SGCD: variants seen among roughly 807,000 people sequenced by gnomAD.
SGCD encodes the protein delta-sarcoglycan.
SGCD carries 18 observed loss-of-function variants against 36.6 expected under a neutral mutation model. The observed-to-expected ratio is 0.49, with a 90% CI of 0.34 to 0.73. The LOEUF is 0.73. SGCD is among the 30% of genes least tolerant of loss of function. The probability of loss-of-function intolerance (pLI) is 0.01; values close to 1 mark genes in which losing one functional copy is unlikely to be tolerated. For missense variants in SGCD, 387 were observed against 346.7 expected (o/e 1.12, Z -0.92); for synonymous variants, 133 against 130.6 (o/e 1.02, Z -0.12).
At chr5:156,513,744 T>G (rs1298364280) in intron 4 of SGCD, among the ~76,000 whole-genome samples, 1 of 152,380 alleles carries the variant, frequency 6.6e-6, no homozygotes, top group East Asian at 1.9e-4. Context: ...TTGATTAGTG[T>G]GATAACAATC....
rs562891167 is a variant in SGCD, at chr5:156,271,383, T to C, written c.-43-58151T>C. Reference sequence around the variant, plus strand: ...GTCTACAGGTTCGTCTGGTCTTATCTGATGCTAGTCAAAATCATAATATCT... The same window carrying C: ...GTCTACAGGTTCGTCTGGTCTTATCCGATGCTAGTCAAAATCATAATATCT... On this transcript the variant is annotated intron_variant, in intron 3 of 9. Transcript: ENST00000517913. 5.9e-5 allele frequency among the ~76,000 whole-genome samples: 9 copies of C among 152,304 alleles called. No individual in the cohort carries two copies. The East Asian group carries it at 1.7e-3, about 29-fold the overall frequency.
In SGCD at chr5:156,688,648, G is replaced by A. The variant is rs563976382; in HGVS notation, c.575+41112G>A. 2.6e-5 allele frequency among the ~76,000 whole-genome samples: 4 copies of A among 152,186 alleles called. No individual in the cohort carries two copies. In the East Asian group the frequency reaches 7.7e-4, roughly 29 times the overall value. Reference sequence around the variant, plus strand: ...AGTCTGATCACAGTGAAGAAACTCTGGTTTCTGCCTCTTTGTCATGGTAGA... The same window carrying A: ...AGTCTGATCACAGTGAAGAAACTCTAGTTTCTGCCTCTTTGTCATGGTAGA... On this transcript the variant is annotated intron_variant, in intron 7 of 8. Transcript: ENST00000337851.
intron 3 of SGCD, among the ~76,000 whole-genome samples, chr5:156,202,802 T>C (rs1764182654): frequency 6.6e-6 from 1 of 151,210 alleles, no homozygotes; most frequent in African/African-American, 2.4e-5. Context: ...TTAAACCTGA[T>C]TGGAGTTAAT....
intron 2 of SGCD, among the ~76,000 whole-genome samples, chr5:156,332,482 T>C (rs1417963047): frequency 1.3e-5 from 2 of 152,224 alleles, no homozygotes; most frequent in Non-Finnish European, 2.9e-5. Context: ...TTTACATTTG[T>C]CTGCTCTATT....
intron 1 of SGCD, among the ~76,000 whole-genome samples, chr5:156,105,877 C>G (rs1407337611): frequency 1.3e-4 from 19 of 151,648 alleles, no homozygotes; most frequent in Admixed American, 1.2e-3. Context: ...CTTTGGGAGG[C>G]CAAGGCGGGT....
chr5:156,744,496 G>A (rs191167432), intron 7 of SGCD, among the ~76,000 whole-genome samples: 18 of 152,244 alleles, frequency 1.2e-4, no homozygotes, highest in Admixed American at 3.3e-4. Flanking sequence ...GGAGATTGTC[G>A]TGGGTTCCAG....
chr5:156,188,672 C>CCG (rs1437602342), intron 3 of SGCD, among the ~76,000 whole-genome samples: 2 of 135,912 alleles, frequency 1.5e-5, no homozygotes, highest in Admixed American at 7.1e-5. Flanking sequence ...CCAACCGCCC[C>CCG]CCCCGACACA....
chr5:156,057,303 C>G lies in SGCD; in HGVS notation c.-281-60575C>G, dbSNP rs1760087261. ...AAAAGGATACAGGCAAATGGCCATT[C>G]ATTCAGCAGTATTTATAATAGCAAA... is the stretch of plus-strand genomic sequence containing the variant. On this transcript the variant is annotated intron_variant, in intron 1 of 9. Transcript: ENST00000517913. Among the ~76,000 whole-genome samples, 2 of 146,378 alleles carry G rather than the reference C, an allele frequency of 1.4e-5. 1 individual carries two copies. Among genetic ancestry groups the G allele is most frequent in the Non-Finnish European group, 3.1e-5 (2 of 64,976 alleles).
chr5:156,229,304 T>TA (rs1554085627), intron 3 of SGCD, among the ~76,000 whole-genome samples: 3 of 7,510 alleles, frequency 4.0e-4, no homozygotes, highest in Admixed American at 1.2e-3. Context: ...ATATATAAAA[T>TA]TAGTTCTTCC....
intron 3 of SGCD, among the ~76,000 whole-genome samples, chr5:156,382,867 GT>G (rs1431065625): frequency 1.3e-5 from 2 of 152,124 alleles, no homozygotes; most frequent in Non-Finnish European, 2.9e-5. Flanking sequence ...GGCATTCCAG[GT>G]TTTTCCTTAT....
At chr5:156,092,793 TTC>T (rs1761277040) in intron 1 of SGCD, among the ~76,000 whole-genome samples, 1 of 152,244 alleles carries the variant, frequency 6.6e-6, no homozygotes, top group Non-Finnish European at 1.5e-5. Context: ...GGATTGGGCA[TTC>T]TGACATATAG....
chr5:156,286,591 G>A (rs192430481), intron 3 of SGCD, among the ~76,000 whole-genome samples: 482 of 152,166 alleles, frequency 3.2e-3, no homozygotes, highest in African/African-American at 0.01. Flanking sequence ...ACCAAACACC[G>A]CATGTTCTCA....
chr5:156,144,625 T>G (rs1762668272), intron 3 of SGCD, among the ~76,000 whole-genome samples: 1 of 152,246 alleles, frequency 6.6e-6, no homozygotes, highest in African/African-American at 2.4e-5. Flanking sequence ...TCATCGTGGA[T>G]TCTGGATATC....
chr5:156,344,238 A>G (rs879337197), intron 2 of SGCD, among the ~76,000 whole-genome samples: 14 of 152,032 alleles, frequency 9.2e-5, no homozygotes, highest in African/African-American at 2.7e-4. Context: ...CTTTCCACCC[A>G]TTATGTGTGT....
At chr5:156,424,919 T>A (rs1773601823) in intron 3 of SGCD, among the ~76,000 whole-genome samples, 1 of 152,088 alleles carries the variant, frequency 6.6e-6, no homozygotes, top group African/African-American at 2.4e-5. Context: ...AGAGGAACTT[T>A]TTTTATTGAG....
chr5:156,423,349 A>ATTGTATT (rs1561685768), intron 3 of SGCD, among the ~76,000 whole-genome samples: 1 of 15,072 alleles, frequency 6.6e-5, no homozygotes. Context: ...AATATATTAT[A>ATTGTATT]ATTTTATTAT....
chr5:156,243,326 C>A (rs1329306925), intron 3 of SGCD, among the ~76,000 whole-genome samples: 1 of 152,176 alleles, frequency 6.6e-6, no homozygotes, highest in Non-Finnish European at 1.5e-5. Context: ...TCTCAGTAGA[C>A]TGAGGAGGTC....
intron 6 of SGCD, among the ~76,000 whole-genome samples, 167 bp from the exon 7 acceptor site, chr5:156,647,297 G>A (rs1209663830): frequency 6.6e-6 from 1 of 152,182 alleles, no homozygotes; most frequent in Non-Finnish European, 1.5e-5. Flanking sequence ...GTTTGCATGA[G>A]TGATTCAATG....
chr5:156,385,240 C>G (rs745355337), intron 3 of SGCD, among the ~76,000 whole-genome samples: 2 of 152,170 alleles, frequency 1.3e-5, no homozygotes, highest in African/African-American at 2.4e-5. Flanking sequence ...TTTTCTCTTT[C>G]TGTAAAATGA....
Sources: allele counts gnomAD v4.1 joint callset (sites outside exome capture counted in the v4.1 genomes callset), GRCh38; gene constraint gnomAD v4.1.1; transcripts MANE v1.5; gene names NCBI Gene and HGNC (gene_info 2026-07-23, HGNC 2026-07-21).